Variants in ALKBH1 observed in about 807,000 individuals in gnomAD.
ALKBH1 encodes the protein nucleic acid dioxygenase ALKBH1.
In ALKBH1, 31 loss-of-function variants were observed where a neutral mutation model predicts 36.6. The ratio of observed to expected loss-of-function variants is 0.85; its 90% CI spans 0.64 to 1.14. The LOEUF (loss-of-function observed/expected upper bound fraction) is 1.14. Ranked by LOEUF, ALKBH1 falls within the 50% of genes most tolerant of loss-of-function variation. The probability of loss-of-function intolerance (pLI) is 0.00; values close to 1 mark genes in which losing one functional copy is unlikely to be tolerated. For missense variants in ALKBH1, 490 were observed against 497.3 expected (o/e 0.99, Z 0.14); for synonymous variants, 183 against 186.6 (o/e 0.98, Z 0.16).
chr14:77,686,016 T>C (rs1298234017), intron 3 of ALKBH1, among the ~76,000 whole-genome samples: 1 of 152,202 alleles, frequency 6.6e-6, no homozygotes, highest in Admixed American at 6.5e-5. Flanking sequence ...GAAAACCTGA[T>C]TTCAATTCTT....
At chr14:77,699,991 C>A (rs1012415209) in intron 2 of ALKBH1, among the ~76,000 whole-genome samples, 1 of 151,950 alleles carries the variant, frequency 6.6e-6, no homozygotes, top group African/African-American at 2.4e-5. Flanking sequence ...GGAGGTGGAG[C>A]TTGCAGTGAG....
Position 77,681,393 on chromosome 14 carries a change from T to C in ALKBH1, c.456-1423A>G, listed in dbSNP as rs746922722. ...AGCATTTAAATAGGGAGTGATGCAGTAGGCAATATGGGCACACAGCACAAG... is the reference window on the plus strand; with the variant it reads ...AGCATTTAAATAGGGAGTGATGCAGCAGGCAATATGGGCACACAGCACAAG... On this transcript the variant is annotated intron_variant, in intron 3 of 5. Transcript: ENST00000216489. Among the ~76,000 whole-genome samples the C allele has an allele frequency of 4.3e-4, 65 of 152,260 alleles. No individual in the cohort carries two copies. The Middle Eastern group carries it at 0.01, about 24-fold the overall frequency.
chr14:77,683,317 C>T lies in ALKBH1; in HGVS notation c.456-3347G>A, dbSNP rs150674133. The T allele has an allele frequency of 4.0e-5, 30 of 741,524 alleles. 1 individual carries two copies. In the East Asian group the frequency reaches 7.6e-4, roughly 19 times the overall value. 45.9% of individuals were successfully genotyped at this position (741,524 alleles called of 1,614,324 possible). ...CTGGCACTTCAGTTGAACTCAGGTA[C>T]CTTTCTCTTTGGGTTCTTTTTCTGA... On this transcript the variant is annotated intron_variant, in intron 3 of 5. Transcript: ENST00000216489.
Position 77,674,109 on chromosome 14 carries a change from A to C in ALKBH1, c.873T>G (p.Arg291=). The C allele has an allele frequency of 6.2e-7, 1 of 1,614,224 alleles. No individual in the cohort carries two copies. The highest frequency in any genetic ancestry group is 1.6e-4 in the Middle Eastern group (1 of 6,062). The part of the protein sequence containing the change: ...FSRLLNHAVP[R]VLPNPEGEGL... ...CTTCCCCTTCTGGATTTGGAAGGAC[A>C]CGAGGGACTGCGTGGTTCAAGAGGC... The change falls in exon 6 of 6, where the codon CGT becomes CGG. Residue 291 remains arginine, a synonymous_variant. Coordinates refer to ENST00000216489, the MANE Select transcript of ALKBH1 (RefSeq NM_006020.3).
intron 3 of ALKBH1, among the ~76,000 whole-genome samples, chr14:77,681,111 C>G (rs2080235610): frequency 6.6e-6 from 1 of 151,722 alleles, no homozygotes; most frequent in Non-Finnish European, 1.5e-5. Context: ...TTTTTTTGTC[C>G]AAAACTATGG....
At chr14:77,680,102 G>C in intron 3 of ALKBH1, 132 bp from the exon 4 acceptor site, 2 of 656,738 alleles carry the variant, frequency 3.0e-6, no homozygotes, top group Admixed American at 2.5e-5. Context: ...GGAGAAATTA[G>C]AAGAGATAAA....
At chr14:77,686,104 G>A (rs1405717729) in intron 3 of ALKBH1, among the ~76,000 whole-genome samples, 2 of 152,188 alleles carry the variant, frequency 1.3e-5, no homozygotes, top group Non-Finnish European at 2.9e-5. Flanking sequence ...GGACTGGCCA[G>A]CACCAAACAT....
rs532298149 is a variant in ALKBH1, at chr14:77,676,003, T to C, written c.547-154A>G. ...TCTATCCATTCTTTTCTTTTCTTTT[T>C]TTTTTTTTTTAAAGACAGGGCCTCA... On this transcript the variant is annotated intron_variant, in intron 4 of 5. Transcript: ENST00000216489. 1.4e-4 allele frequency among the ~76,000 whole-genome samples: 21 copies of C among 151,806 alleles called. No homozygotes were observed. The East Asian group carries it at 1.5e-3, about 11-fold the overall frequency.
Position 77,676,773 on chromosome 14 carries a change from T to C in ALKBH1, c.547-924A>G, listed in dbSNP as rs552774736. On this transcript the variant is annotated intron_variant, in intron 4 of 5. Transcript: ENST00000216489. Reference sequence around the variant, plus strand: ...AAACTATCCTAAACTAAAAAGTTAATTTATAAAAAGGCAACTCAAATACTA... The same window carrying C: ...AAACTATCCTAAACTAAAAAGTTAACTTATAAAAAGGCAACTCAAATACTA... 1.4e-4 allele frequency among the ~76,000 whole-genome samples: 22 copies of C among 152,340 alleles called. No individual in the cohort carries two copies. The East Asian group carries it at 3.1e-3, about 21-fold the overall frequency.
intron 3 of ALKBH1, chr14:77,683,640 C>T (rs1413265634): frequency 3.3e-5 from 9 of 269,036 alleles, no homozygotes; most frequent in East Asian, 1.9e-4. Context: ...GGTGCAATCT[C>T]GGCTCACCGC....
intron 3 of ALKBH1, among the ~76,000 whole-genome samples, chr14:77,686,771 G>GTGC (rs2080270672): frequency 6.6e-6 from 1 of 152,104 alleles, no homozygotes; most frequent in Non-Finnish European, 1.5e-5. Flanking sequence ...CTACAAATGT[G>GTGC]TGCCGCCATG....
At chr14:77,707,436 A>G (rs2080400855) in intron 1 of ALKBH1, among the ~76,000 whole-genome samples, 1 of 152,210 alleles carries the variant, frequency 6.6e-6, no homozygotes, top group South Asian at 2.1e-4. Context: ...ACAGCGCCGC[A>G]TCCCTGTCAG....
chr14:77,678,694 T>A (rs920908730), intron 4 of ALKBH1, among the ~76,000 whole-genome samples: 2 of 152,178 alleles, frequency 1.3e-5, no homozygotes, highest in Non-Finnish European at 2.9e-5. Context: ...CACTGCTAGT[T>A]ACAAGGCATC....
chr14:77,675,270 T>TAA (rs199714479), intron 5 of ALKBH1, among the ~76,000 whole-genome samples: 1 of 140,908 alleles, frequency 7.1e-6, no homozygotes, highest in South Asian at 2.3e-4. Context: ...CCATCTCTAC[T>TAA]AAAAAAAAAA....
intron 5 of ALKBH1, 30 bp from the exon 6 acceptor site, chr14:77,674,271 A>G: frequency 6.7e-7 from 1 of 1,503,178 alleles, no homozygotes; most frequent in Non-Finnish European, 8.9e-7. Flanking sequence ...ACACACAACA[A>G]TAAAAAAGTA....
At chr14:77,703,935 A>G (rs1177660960) in intron 2 of ALKBH1, among the ~76,000 whole-genome samples, 3 of 152,134 alleles carry the variant, frequency 2.0e-5, no homozygotes, top group South Asian at 2.1e-4. Context: ...TCTTTATTAA[A>G]TATGTTCAGC....
intron 2 of ALKBH1, among the ~76,000 whole-genome samples, chr14:77,698,184 C>A (rs1325539958): frequency 6.6e-6 from 1 of 152,078 alleles, no homozygotes. Flanking sequence ...TAAGGACTGG[C>A]AAGACCTAAG....
Position 77,697,071 on chromosome 14 carries a change from T to C in ALKBH1, c.293-2171A>G, listed in dbSNP as rs547260460. The C allele has an allele frequency of 3.7e-5, 7 of 186,682 alleles. No individual in the cohort carries two copies. In the South Asian group the frequency reaches 8.3e-4, roughly 22 times the overall value. 11.6% of individuals were successfully genotyped at this position (186,682 alleles called of 1,614,324 possible). On this transcript the variant is annotated intron_variant, in intron 2 of 5. Transcript: ENST00000216489. ...AGACCTCCAGAAGAGGTAGCAAAGC[T>C]TGTACTGGTTTGCAATTCAGCAGCT...
At chr14:77,690,359 G>A (rs1447296899) in intron 3 of ALKBH1, among the ~76,000 whole-genome samples, 1 of 152,246 alleles carries the variant, frequency 6.6e-6, no homozygotes, top group African/African-American at 2.4e-5. Flanking sequence ...TTTTCTAAAT[G>A]TGATGATGTT....
Sources: gnomAD v4.1 joint callset for allele counts (sites outside exome capture counted in the v4.1 genomes callset) on GRCh38, gnomAD v4.1.1 for gene constraint, MANE v1.5 for transcripts, NCBI Gene and HGNC (gene_info 2026-07-23, HGNC 2026-07-21) for gene names.